GRIK5: variants seen among roughly 807,000 people sequenced by gnomAD.
The protein encoded by GRIK5 is glutamate ionotropic receptor kainate type subunit 5, also known as glutamate receptor ionotropic, kainate 5.
Under a neutral mutation model 97.4 loss-of-function variants are expected in GRIK5, and 43 were observed. That is an observed-to-expected ratio of 0.44 (90% CI 0.35 to 0.57). GRIK5 has a LOEUF of 0.57. Among genes scored for constraint, GRIK5 ranks in the 20% least tolerant of loss-of-function variants. The pLI is 0.01. For synonymous variants in GRIK5, 580 were observed against 583.5 expected (o/e 0.99, Z 0.09); for missense variants, 1,015 against 1,382.0 (o/e 0.73, Z 4.21).
chr19:42,062,741 C>A lies in GRIK5; in HGVS notation c.342+17G>T, dbSNP rs760086278. On this transcript the variant is annotated intron_variant, in intron 4 of 19. Transcript: ENST00000593562. This position sits in a 1 kb window ranked among gnomAD's most constrained non-coding sequence, Gnocchi z 5.3. ...ACCCGCTCCCCACAAAGCGCCGGCC[C>A]ACACTCCCCATCTCACCTCCTTCTC... 10 of 1,612,542 alleles carry A rather than the reference C, an allele frequency of 6.2e-6. No individual in the cohort carries two copies. The African/African-American group carries it at 1.3e-4, about 22-fold the overall frequency.
intron 12 of GRIK5, among the ~76,000 whole-genome samples, chr19:42,028,886 G>T (rs995484841): frequency 1.3e-5 from 2 of 152,202 alleles, no homozygotes; most frequent in Non-Finnish European, 2.9e-5. Context: ...AAGAGCTAAG[G>T]AGTTATGACA....
chr19:42,003,655 C>G lies in GRIK5; in HGVS notation c.2292G>C (p.Leu764=). ...LGSPFRDEIT[L]AILQLQENNR... Reference sequence around the variant, plus strand: ...TGTTCTCCTGAAGCTGCAGGATGGCCAGTGTGATCTCATCCCGGAACGGGG... The same window carrying G: ...TGTTCTCCTGAAGCTGCAGGATGGCGAGTGTGATCTCATCCCGGAACGGGG... The change falls in exon 18 of 20, where the codon CTG becomes CTC. Residue 764 remains leucine, a synonymous_variant. Transcript: ENST00000593562. The surrounding 1 kb of genome is among the most constrained non-coding windows in gnomAD (Gnocchi z 4.2). 1.2e-6 allele frequency: 2 copies of G among 1,613,514 alleles called. No homozygotes were observed. Among genetic ancestry groups the G allele is most frequent in the African/African-American group, 1.3e-5 (1 of 75,040 alleles).
intron 12 of GRIK5, among the ~76,000 whole-genome samples, chr19:42,033,373 A>C (rs1178281514): frequency 1.3e-5 from 2 of 151,348 alleles, no homozygotes. Context: ...CATGATGTGG[A>C]TGAACTTTGA....
intron 12 of GRIK5, among the ~76,000 whole-genome samples, chr19:42,034,726 G>A (rs776315990): frequency 2.6e-5 from 4 of 151,896 alleles, no homozygotes; most frequent in Admixed American, 1.3e-4. Context: ...CTTCTCAAAC[G>A]TTATCCAACC....
Position 42,021,573 on chromosome 19 carries a change from G to T in GRIK5, c.1698-99C>A, listed in dbSNP as rs1473579159. ...AGTCACAGTGATCAGAAGAAAGGGGGAGAGATGGAAAAAGGAGCAAGATGG... is the reference window on the plus strand; with the variant it reads ...AGTCACAGTGATCAGAAGAAAGGGGTAGAGATGGAAAAAGGAGCAAGATGG... On this transcript the variant is annotated intron_variant, in intron 14 of 19. Transcript: ENST00000593562. The surrounding 1 kb of genome is among the most constrained non-coding windows in gnomAD (Gnocchi z 4.2). The T allele has an allele frequency of 4.9e-6, 5 of 1,019,890 alleles. No individual in the cohort carries two copies. In the African/African-American group the frequency reaches 8.1e-5, roughly 17 times the overall value. 63.2% of individuals were successfully genotyped at this position (1,019,890 alleles called of 1,614,324 possible).
rs1478499098 is a variant in GRIK5, at chr19:42,006,060, G to A, written c.2038-112C>T. The stretch of plus-strand genomic sequence containing the variant: ...CCCTCAACCCAGGAGAATGCAAGGT[G>A]ATCAAAGGAAGACAGAGCCAAAGGT... On this transcript the variant is annotated intron_variant, in intron 16 of 19. Transcript: ENST00000593562. The surrounding 1 kb of genome is among the most constrained non-coding windows in gnomAD (Gnocchi z 5.3). 1 of 670,830 alleles carries A rather than the reference G, an allele frequency of 1.5e-6. No individual in the cohort carries two copies. 41.6% of individuals were successfully genotyped at this position (670,830 alleles called of 1,614,324 possible).
In GRIK5 at chr19:42,069,655, G is replaced by A. The variant is rs1263047852; in HGVS notation, c.-465C>T. Reference sequence around the variant, plus strand: ...CCCTCCCCTAGCCGGGCCGGCCTGGGGGGGCCACAGGGGGCGAGGACTGGG... The same window carrying A: ...CCCTCCCCTAGCCGGGCCGGCCTGGAGGGGCCACAGGGGGCGAGGACTGGG... On this transcript the variant is annotated 5_prime_UTR_variant, in exon 1 of 20. Transcript: ENST00000593562. Among the ~76,000 whole-genome samples, 2 of 151,260 alleles carry A rather than the reference G, an allele frequency of 1.3e-5. No individual in the cohort carries two copies. Among genetic ancestry groups the A allele is most frequent in the Non-Finnish European group, 3.0e-5 (2 of 67,578 alleles).
intron 6 of GRIK5, among the ~76,000 whole-genome samples, chr19:42,058,671 C>A (rs1269686796): frequency 3.3e-5 from 5 of 149,668 alleles, no homozygotes; most frequent in African/African-American, 1.2e-4. Context: ...ACTAAAAATA[C>A]AAAAATTAGC....
At chr19:42,000,834 A>C (rs1429250411) in intron 19 of GRIK5, among the ~76,000 whole-genome samples, 1 of 152,170 alleles carries the variant, frequency 6.6e-6, no homozygotes, top group Non-Finnish European at 1.5e-5. Context: ...CAGTCCTTGG[A>C]GAGGTCCTTG....
rs2146051105 is a variant in GRIK5 at position 42,022,136 on chromosome 19, G to A, written c.1588-80C>T. ...AGCCCCTGCCCTACCAGGGACCTGG[G>A]AGCCTGACCGGCCCATCTGAGGTCC... is the stretch of plus-strand genomic sequence containing the variant. On this transcript the variant is annotated intron_variant, in intron 13 of 19. Transcript: ENST00000593562. This position sits in a 1 kb window ranked among gnomAD's most constrained non-coding sequence, Gnocchi z 4.2. The A allele has an allele frequency of 1.2e-5, 17 of 1,397,544 alleles. No individual in the cohort carries two copies. The South Asian group carries it at 1.9e-4, about 16-fold the overall frequency. 86.6% of individuals were successfully genotyped at this position (1,397,544 alleles called of 1,614,324 possible). A position where few individuals can be genotyped will look rare whatever the true frequency, so the allele number is the denominator to read the frequency against.
intron 10 of GRIK5, 48 bp downstream of exon 10, chr19:42,053,777 C>T (rs1410197297): frequency 6.4e-7 from 1 of 1,553,162 alleles, no homozygotes; most frequent in Admixed American, 1.7e-5. Flanking sequence ...TGGGCCCGCC[C>T]CCACCCTCAC....
At chr19:42,001,016 ATG>A (rs1304847128) in intron 19 of GRIK5, among the ~76,000 whole-genome samples, 5 of 152,114 alleles carry the variant, frequency 3.3e-5, no homozygotes, top group Non-Finnish European at 1.5e-5. Flanking sequence ...GCTGCCTTTC[ATG>A]TGCAAACCAA....
intron 11 of GRIK5, among the ~76,000 whole-genome samples, chr19:42,050,553 G>C (rs892326975): frequency 1.3e-5 from 2 of 151,064 alleles, no homozygotes; most frequent in African/African-American, 4.9e-5. Flanking sequence ...AGCTACTCGG[G>C]ACACTGAGGC....
chr19:42,059,675 G>A, intron 5 of GRIK5, 148 bp from the exon 6 acceptor site: 1 of 637,746 alleles, frequency 1.6e-6, no homozygotes, highest in Non-Finnish European at 2.6e-6. Flanking sequence ...GGGGTAATGG[G>A]CTTGGGGACC....
chr19:42,028,472 C>T (rs573541359), intron 12 of GRIK5, among the ~76,000 whole-genome samples: 4 of 152,318 alleles, frequency 2.6e-5, no homozygotes, highest in African/African-American at 9.6e-5. Flanking sequence ...CTTCCTGTCT[C>T]CTCTCCCACC....
chr19:42,005,579 C>T (rs923674073), intron 17 of GRIK5, 144 bp downstream of exon 17: 13 of 635,054 alleles, frequency 2.0e-5, no homozygotes, highest in African/African-American at 7.2e-5. Flanking sequence ...ACGGTGATGT[C>T]GCCTGCCCAA....
chr19:42,002,237 C>G lies in GRIK5; in HGVS notation c.2514+1095G>C, dbSNP rs1428540804. 9.8e-6 allele frequency: 7 copies of G among 717,346 alleles called. No individual in the cohort carries two copies. The Admixed American group carries it at 1.4e-4, about 14-fold the overall frequency. 44.4% of individuals were successfully genotyped at this position (717,346 alleles called of 1,614,324 possible). ...AAGAAACTGGAAGCATCAGGGAGAC[C>G]CCCCACTGCTGCCAAGGCTGTAAAG... On this transcript the variant is annotated intron_variant, in intron 19 of 19. Transcript: ENST00000593562. The surrounding 1 kb of genome is among the most constrained non-coding windows in gnomAD (Gnocchi z 5.2).
intron 11 of GRIK5, among the ~76,000 whole-genome samples, chr19:42,043,084 AAGTGGATC>A (rs1555879487): frequency 6.6e-6 from 1 of 152,174 alleles, no homozygotes; most frequent in Non-Finnish European, 1.5e-5. Flanking sequence ...TCTTGTGCCA[AAGTGGATC>A]AGGGGCTTTC....
Position 41,999,440 on chromosome 19 carries a change from T to C in GRIK5, c.2515-141A>G. ...GCCCTCGCTTCCCTTCCCACTTCTC[T>C]TCCCTTTATCTCCCCCGTGTTTTCT... is the stretch of plus-strand genomic sequence containing the variant. On this transcript the variant is annotated intron_variant, in intron 19 of 19. Transcript: ENST00000593562. This position sits in a 1 kb window ranked among gnomAD's most constrained non-coding sequence, Gnocchi z 5.0. 3.2e-6 allele frequency: 2 copies of C among 627,274 alleles called. No individual in the cohort carries two copies. Among genetic ancestry groups the C allele is most frequent in the Non-Finnish European group, 5.2e-6 (2 of 382,462 alleles). 38.9% of individuals were successfully genotyped at this position (627,274 alleles called of 1,614,324 possible). A position where few individuals can be genotyped will look rare whatever the true frequency, so the allele number is the denominator to read the frequency against.
Sources: allele counts gnomAD v4.1 joint callset (sites outside exome capture counted in the v4.1 genomes callset), GRCh38; gene constraint gnomAD v4.1.1; non-coding constraint Gnocchi (gnomAD v3.1); transcripts MANE v1.5; gene names NCBI Gene and HGNC (gene_info 2026-07-23, HGNC 2026-07-21).